The following FAM162A variants were observed in gnomAD, a reference collection of about 807,000 sequenced individuals.
FAM162A encodes the protein family with sequence similarity 162 member A, also known as protein FAM162A.
In FAM162A, 23 loss-of-function variants were observed where a neutral mutation model predicts 21.8. That is an observed-to-expected ratio of 1.05 (90% confidence interval 0.76 to 1.49). The LOEUF (loss-of-function observed/expected upper bound fraction) is 1.49, where lower values mean the gene tolerates loss of function less well. Among genes scored for constraint, FAM162A ranks in the 40% most tolerant of loss-of-function variants. The pLI is 0.00. For missense variants in FAM162A, 165 were observed against 186.4 expected, an observed-to-expected ratio of 0.89 and a Z score of 0.67; for synonymous variants, 53 against 61.3, an observed-to-expected ratio of 0.86 and a Z score of 0.64.
At chr3:122,406,833 T>C (rs2075678096) in intron 3 of FAM162A, among the ~76,000 whole-genome samples, 1 of 152,186 alleles carries the variant, frequency 6.6e-6, no homozygotes, top group Non-Finnish European at 1.5e-5. Flanking sequence ...TATTGTAGTA[T>C]CTGTTGTCGA....
chr3:122,404,228 A>G, intron 2 of FAM162A, 30 bp from the exon 3 acceptor site: 2 of 1,152,102 alleles, frequency 1.7e-6, no homozygotes, highest in Non-Finnish European at 2.5e-6. Context: ...TCTCAAACAC[A>G]TAAAATTTCT....
chr3:122,398,642 G>A (rs12374168), intron 1 of FAM162A, among the ~76,000 whole-genome samples: 34,075 of 151,910 alleles, frequency 0.22, 4,244 homozygotes, highest in Non-Finnish European at 0.27. Flanking sequence ...AGTAAGAGGG[G>A]AGACCTATAG....
intron 1 of FAM162A, among the ~76,000 whole-genome samples, chr3:122,391,601 G>A (rs2107696141): frequency 6.6e-6 from 1 of 152,260 alleles, no homozygotes; most frequent in East Asian, 1.9e-4. Flanking sequence ...TCTGATCTAG[G>A]TGAACCTCTC....
At chr3:122,407,557 TATC>T in intron 4 of FAM162A, 168 bp downstream of exon 4, 3 of 535,452 alleles carry the variant, frequency 5.6e-6, no homozygotes, top group Admixed American at 6.2e-5. Context: ...AAGCCTGGAA[TATC>T]ATCCTTGGGG....
chr3:122,409,860 A>G lies in FAM162A; in HGVS notation c.*29A>G, dbSNP rs1276162616. On this transcript the variant is annotated 3_prime_UTR_variant, in exon 5 of 5. Coordinates refer to ENST00000477892, the MANE Select transcript of FAM162A (RefSeq NM_014367.4). ...AGGTATCCGTGTTGGCTGGATTTTG[A>G]AAATCCAGGAATTATGTTATAACGT... 6.3e-7 allele frequency: 1 copy of G among 1,581,492 alleles called. No individual in the cohort carries two copies. The highest frequency in any genetic ancestry group is 8.7e-7 in the Non-Finnish European group (1 of 1,150,284).
intron 4 of FAM162A, chr3:122,407,673 A>T: frequency 4.3e-6 from 2 of 461,284 alleles, no homozygotes; most frequent in Non-Finnish European, 3.8e-6. Flanking sequence ...CATAATGTAA[A>T]TTAAGAAATA....
Position 122,409,741 on chromosome 3 carries a change from T to C in FAM162A, c.375T>C (p.Ala125=), listed in dbSNP as rs772590091. The change falls in exon 5 of 5, where the codon GCT becomes GCC. Residue 125 remains alanine (A), a splice_region_variant and synonymous_variant. Coordinates refer to ENST00000477892, the MANE Select transcript of FAM162A (RefSeq NM_014367.4). ...TGTTCAAATCTGTTTTGCTTTAGGC[T>C]GCCCAAAGACACGAGACTTTAACAA... ...CIFMVIEGKK[A]AQRHETLTSL... is the part of the protein sequence containing the mutation. 1.9e-5 allele frequency: 30 copies of C among 1,613,930 alleles called. No individual in the cohort carries two copies. The highest frequency in any genetic ancestry group is 2.3e-5 in the Non-Finnish European group (27 of 1,179,912).
intron 1 of FAM162A, among the ~76,000 whole-genome samples, chr3:122,386,872 T>C (rs1249899274): frequency 2.6e-5 from 4 of 152,202 alleles, no homozygotes; most frequent in African/African-American, 4.8e-5. Context: ...TTCTCAAATT[T>C]TTATGATTGT....
intron 1 of FAM162A, among the ~76,000 whole-genome samples, chr3:122,402,054 C>T (rs1039369326): frequency 6.6e-6 from 1 of 151,952 alleles, no homozygotes; most frequent in African/African-American, 2.4e-5. Context: ...GAAATCTTTG[C>T]CCATTCCTAT....
At chr3:122,400,484 A>G (rs574165517) in intron 1 of FAM162A, among the ~76,000 whole-genome samples, 8 of 152,180 alleles carry the variant, frequency 5.3e-5, no homozygotes, top group Non-Finnish European at 1.2e-4. Context: ...ACAAACCTGC[A>G]TGTTCTGCAC....
At chr3:122,394,168 G>A (rs1035953658) in intron 1 of FAM162A, among the ~76,000 whole-genome samples, 3 of 152,070 alleles carry the variant, frequency 2.0e-5, no homozygotes, top group Non-Finnish European at 4.4e-5. Flanking sequence ...TCACTATCAC[G>A]AGGACAGCAC....
intron 1 of FAM162A, among the ~76,000 whole-genome samples, chr3:122,400,457 A>G (rs1347276932): frequency 3.9e-5 from 6 of 152,178 alleles, no homozygotes; most frequent in Non-Finnish European, 5.9e-5. Context: ...CCACCATAGC[A>G]TGTGTATACC....
At chr3:122,401,462 TG>T in intron 1 of FAM162A, 1 of 1,203,798 alleles carries the variant, frequency 8.3e-7, no homozygotes, top group Admixed American at 3.2e-5. Flanking sequence ...TGAGAGCACG[TG>T]GGAAAAGAAG....
intron 1 of FAM162A, chr3:122,401,292 T>C: frequency 1.8e-6 from 1 of 556,434 alleles, no homozygotes; most frequent in Non-Finnish European, 2.3e-6. Context: ...TGATTGTATC[T>C]CTTATTTTGT....
At chr3:122,402,661 C>T in intron 1 of FAM162A, 99 bp from the exon 2 acceptor site, 1 of 1,139,024 alleles carries the variant, frequency 8.8e-7, no homozygotes, top group Non-Finnish European at 1.2e-6. Flanking sequence ...AATGAACTAC[C>T]TTTTATAAAT....
Position 122,409,689 on chromosome 3 carries a change from C to T in FAM162A, c.373-50C>T, listed in dbSNP as rs933692844. 5 of 1,542,058 alleles carry T rather than the reference C, an allele frequency of 3.2e-6. No homozygotes were observed. In the African/African-American group the frequency reaches 5.5e-5, roughly 17 times the overall value. ...TGTCATCAGTGCAAGGTAAAGACAC[C>T]CTCCCCTGACCAGCATACAAATCAC... On this transcript the variant is annotated intron_variant, in intron 4 of 4. Transcript: ENST00000477892.
chr3:122,400,650 C>A (rs6766138), intron 1 of FAM162A, among the ~76,000 whole-genome samples: 21 of 150,916 alleles, frequency 1.4e-4, no homozygotes, highest in Non-Finnish European at 3.0e-4. Context: ...CATGGAGAAA[C>A]CCCGTCTATA....
In FAM162A at chr3:122,410,332, A is replaced by G. The variant is rs2075699142; in HGVS notation, c.*501A>G. The G allele has an allele frequency of 5.9e-6, 1 of 169,334 alleles. No homozygotes were observed. Among genetic ancestry groups the G allele is most frequent in the African/African-American group, 2.4e-5 (1 of 41,556 alleles). The allele number at this position is 169,334 out of a possible 1,614,324, so 10.5% of individuals were successfully genotyped here. ...AATCTTTGAACATGCTGGCAGATGG[A>G]GGCTTTTAGGAGAATAGTTTTTTAA... On this transcript the variant is annotated 3_prime_UTR_variant, in exon 5 of 5. Coordinates refer to ENST00000477892, the MANE Select transcript of FAM162A (RefSeq NM_014367.4).
chr3:122,387,440 A>T (rs2075579971), intron 1 of FAM162A, among the ~76,000 whole-genome samples: 1 of 152,172 alleles, frequency 6.6e-6, no homozygotes, highest in Admixed American at 6.5e-5. Context: ...GAAGTCAGGT[A>T]ATTTAGTCCT....
Sources: gnomAD v4.1 joint callset for allele counts (sites outside exome capture counted in the v4.1 genomes callset) on GRCh38, gnomAD v4.1.1 for gene constraint, MANE v1.5 for transcripts, NCBI Gene and HGNC (gene_info 2026-07-23, HGNC 2026-07-21) for gene names.